SH3D19: variants seen among roughly 807,000 people sequenced by gnomAD.
SH3D19 encodes the protein SH3 domain containing 19.
A neutral mutation model predicts 112.1 loss-of-function variants in SH3D19; 58 were observed. That is an observed-to-expected ratio of 0.52 (90% CI 0.42 to 0.64). The LOEUF (loss-of-function observed/expected upper bound fraction) is 0.64. Among genes scored for constraint, SH3D19 ranks in the 30% least tolerant of loss-of-function variants. SH3D19 has a pLI of 0.00. For missense variants in SH3D19, 1,090 were observed against 1,263.4 expected (o/e 0.86, Z 2.08); for synonymous variants, 391 against 448.5 (o/e 0.87, Z 1.62).
intron 14 of SH3D19, among the ~76,000 whole-genome samples, chr4:151,136,268 C>T (rs1327543237): frequency 5.9e-5 from 9 of 152,134 alleles, no homozygotes; most frequent in African/African-American, 1.7e-4. Context: ...CCACTTCAGC[C>T]TCCCAAGTAG....
chr4:151,279,189 C>G, intron 1 of SH3D19: 1 of 305,530 alleles, frequency 3.3e-6, no homozygotes, highest in South Asian at 3.0e-5. Context: ...AGGTCACCAG[C>G]ACACTAGAGA....
At chr4:151,156,533 A>C (rs1756135073) in intron 9 of SH3D19, among the ~76,000 whole-genome samples, 1 of 152,230 alleles carries the variant, frequency 6.6e-6, no homozygotes, top group African/African-American at 2.4e-5. Flanking sequence ...ATCTACAGCC[A>C]ATCGATTTTT....
chr4:151,255,202 C>A (rs1413434691), intron 1 of SH3D19, among the ~76,000 whole-genome samples: 3 of 150,364 alleles, frequency 2.0e-5, no homozygotes, highest in Non-Finnish European at 4.4e-5. Flanking sequence ...GGGTGGCTGC[C>A]GGGCGGAGAG....
intron 1 of SH3D19, among the ~76,000 whole-genome samples, chr4:151,238,574 T>C (rs72967545): frequency 0.1 from 15,182 of 152,126 alleles, 1,496 homozygotes; most frequent in African/African-American, 0.25. Flanking sequence ...CAGAAACTGC[T>C]GTAACCAAAA....
chr4:151,193,855 A>G (rs1239888759), intron 2 of SH3D19, among the ~76,000 whole-genome samples: 1 of 152,150 alleles, frequency 6.6e-6, no homozygotes, highest in African/African-American at 2.4e-5. Context: ...GAAGGAACCA[A>G]GGAATTAATA....
At chr4:151,323,503 A>G (rs1235359240) in intron 1 of SH3D19, among the ~76,000 whole-genome samples, 1 of 152,212 alleles carries the variant, frequency 6.6e-6, no homozygotes. Context: ...AAAGAAATGT[A>G]AACTATTAAA....
chr4:151,325,158 C>A, intron 1 of SH3D19, 83 bp downstream of exon 1: 1 of 729,278 alleles, frequency 1.4e-6, no homozygotes, highest in South Asian at 7.2e-5. Context: ...CGTGAAGGAG[C>A]TGCCGCTGTG....
intron 1 of SH3D19, among the ~76,000 whole-genome samples, chr4:151,314,549 A>C (rs1729805062): frequency 6.6e-6 from 1 of 152,232 alleles, no homozygotes; most frequent in Non-Finnish European, 1.5e-5. Flanking sequence ...AAATAGCAAC[A>C]AGAATCTAGG....
intron 1 of SH3D19, among the ~76,000 whole-genome samples, chr4:151,245,411 G>C (rs187813975): frequency 6.6e-6 from 1 of 152,086 alleles, no homozygotes; most frequent in Admixed American, 6.5e-5. Flanking sequence ...CCTTAGCAGC[G>C]TGAAGCCTGG....
At chr4:151,193,076 C>G in intron 2 of SH3D19, among the ~76,000 whole-genome samples, 1 of 151,890 alleles carries the variant, frequency 6.6e-6, no homozygotes, top group East Asian at 1.9e-4. Context: ...AATGTGAACT[C>G]AATTCTACTC....
chr4:151,298,427 C>T (rs1580441347), intron 1 of SH3D19, among the ~76,000 whole-genome samples: 1 of 150,464 alleles, frequency 6.6e-6, no homozygotes. Flanking sequence ...CCTCCCGCCT[C>T]GGCCTCCCAA....
rs1280709878 is a variant in SH3D19 at position 151,134,800 on chromosome 4, A to G, written c.2486+274T>C. ...TAAACAAGTTTTCTTTGTAATTAAAAAGACACGATGAGAATCTGAATTATC... is the reference window on the plus strand; with the variant it reads ...TAAACAAGTTTTCTTTGTAATTAAAGAGACACGATGAGAATCTGAATTATC... On this transcript the variant is annotated intron_variant, in intron 15 of 19. Transcript: ENST00000604030. Among the ~76,000 whole-genome samples, 3 of 152,352 alleles carry G rather than the reference A, an allele frequency of 2.0e-5. No homozygotes were observed. In the East Asian group the frequency reaches 5.8e-4, roughly 29 times the overall value.
Position 151,189,398 on chromosome 4 carries a change from C to G in SH3D19, c.153-1935G>C, listed in dbSNP as rs1005315433. Among the ~76,000 whole-genome samples the G allele has an allele frequency of 2.6e-5, 4 of 152,120 alleles. 1 individual carries two copies. Among genetic ancestry groups the G allele is most frequent in the African/African-American group, 9.7e-5 (4 of 41,416 alleles). ...AAAGTGCTGGGATTACAGGTGTGAG[C>G]CACCATGCCCGGCCAAGTTTCTGTT... On this transcript the variant is annotated intron_variant, in intron 2 of 19. Transcript: ENST00000604030.
At chr4:151,246,550 A>T (rs2149973023) in intron 1 of SH3D19, among the ~76,000 whole-genome samples, 1 of 152,332 alleles carries the variant, frequency 6.6e-6, no homozygotes, top group East Asian at 1.9e-4. Context: ...CAGGAAATAG[A>T]AAGGTGAGAT....
chr4:151,144,687 C>T (rs958603946), intron 11 of SH3D19, among the ~76,000 whole-genome samples: 5 of 152,252 alleles, frequency 3.3e-5, no homozygotes, highest in African/African-American at 1.2e-4. Context: ...TGATTGGAGC[C>T]CTCCGTGTAC....
intron 1 of SH3D19, among the ~76,000 whole-genome samples, chr4:151,241,068 T>G (rs1770511476): frequency 1.3e-5 from 2 of 151,804 alleles, no homozygotes; most frequent in East Asian, 3.9e-4. Flanking sequence ...GAGGATTGCC[T>G]TAGCCCAGGA....
At chr4:151,222,293 A>C (rs1410945688) in intron 2 of SH3D19, among the ~76,000 whole-genome samples, 1 of 152,266 alleles carries the variant, frequency 6.6e-6, no homozygotes, top group East Asian at 1.9e-4. Context: ...AAAAAGCTGA[A>C]GAAACAGTAT....
At chr4:151,306,812 A>C (rs1728958851) in intron 1 of SH3D19, among the ~76,000 whole-genome samples, 1 of 152,214 alleles carries the variant, frequency 6.6e-6, no homozygotes, top group African/African-American at 2.4e-5. Flanking sequence ...AGGCTGTCAA[A>C]TGGTAACCAC....
intron 1 of SH3D19, among the ~76,000 whole-genome samples, chr4:151,230,492 G>C (rs1037138894): frequency 6.6e-6 from 1 of 152,040 alleles, no homozygotes; most frequent in Non-Finnish European, 1.5e-5. Flanking sequence ...AGTTGGAAAT[G>C]AAAGACCTGA....
Sources: gnomAD v4.1 joint callset for allele counts (sites outside exome capture counted in the v4.1 genomes callset) on GRCh38, gnomAD v4.1.1 for gene constraint, MANE v1.5 for transcripts, NCBI Gene and HGNC (gene_info 2026-07-23, HGNC 2026-07-21) for gene names.